The following GPC5 variants were observed in gnomAD, a reference collection of about 807,000 sequenced individuals.
GPC5 encodes the protein glypican 5, also known as glypican-5.
In GPC5, 47 loss-of-function variants were observed where a neutral mutation model predicts 53.9. That is an observed-to-expected ratio of 0.87 (90% CI 0.69 to 1.11). GPC5 has a LOEUF of 1.11. Ranked by LOEUF, GPC5 falls within the 50% of genes most tolerant of loss-of-function variation. GPC5 has a pLI of 0.00. For synonymous variants in GPC5, 286 were observed against 263.3 expected (o/e 1.09, Z -0.84); for missense variants, 748 against 713.1 (o/e 1.05, Z -0.56).
intron 6 of GPC5, among the ~76,000 whole-genome samples, chr13:91,977,118 A>G (rs1166544624): frequency 6.6e-6 from 1 of 152,048 alleles, no homozygotes; most frequent in African/African-American, 2.4e-5. Flanking sequence ...TGTTTATCCA[A>G]AAAACAGTAA....
intron 7 of GPC5, among the ~76,000 whole-genome samples, chr13:92,387,354 G>T (rs555043779): frequency 7.5e-4 from 114 of 152,180 alleles, no homozygotes; most frequent in African/African-American, 2.7e-3. Flanking sequence ...TGTTGCGTAG[G>T]TTCGACATAA....
intron 2 of GPC5, among the ~76,000 whole-genome samples, chr13:91,614,185 C>T (rs1447606188): frequency 6.6e-6 from 1 of 152,152 alleles, no homozygotes; most frequent in African/African-American, 2.4e-5. Flanking sequence ...AAACATGAGC[C>T]TGGGAATTTT....
intron 7 of GPC5, among the ~76,000 whole-genome samples, chr13:92,680,538 C>T (rs1434427961): frequency 6.6e-6 from 1 of 152,018 alleles, no homozygotes; most frequent in Non-Finnish European, 1.5e-5. Context: ...ATAAATTGCT[C>T]TAAAGACAAA....
chr13:91,739,989 C>T (rs1285586008), intron 4 of GPC5, among the ~76,000 whole-genome samples: 1 of 151,198 alleles, frequency 6.6e-6, no homozygotes, highest in African/African-American at 2.5e-5. Context: ...GAGGCTTGCC[C>T]CTTGCTTCAA....
intron 7 of GPC5, among the ~76,000 whole-genome samples, chr13:92,765,799 C>T (rs941448942): frequency 2.0e-5 from 3 of 151,766 alleles, no homozygotes; most frequent in Non-Finnish European, 2.9e-5. Context: ...TTTAAGGGGC[C>T]AGATAGTAAT....
chr13:92,778,969 A>G (rs1369919681), intron 7 of GPC5, among the ~76,000 whole-genome samples: 1 of 149,168 alleles, frequency 6.7e-6, no homozygotes, highest in Non-Finnish European at 1.5e-5. Flanking sequence ...CAAGATATAC[A>G]CACACACACA....
chr13:92,171,517 A>C (rs200419826), intron 7 of GPC5, among the ~76,000 whole-genome samples: 2 of 152,186 alleles, frequency 1.3e-5, no homozygotes, highest in East Asian at 3.9e-4. Context: ...TTTGCTCCTC[A>C]ATCCATTTCC....
intron 1 of GPC5, among the ~76,000 whole-genome samples, chr13:91,438,421 G>T (rs1241877025): frequency 6.6e-6 from 1 of 152,204 alleles, no homozygotes; most frequent in Admixed American, 6.5e-5. Flanking sequence ...TTTGCTGGAG[G>T]TCCACTCCAG....
At chr13:91,827,097 T>G (rs1403807047) in intron 5 of GPC5, among the ~76,000 whole-genome samples, 1 of 151,936 alleles carries the variant, frequency 6.6e-6, no homozygotes, top group Admixed American at 6.6e-5. Context: ...CTAACACAAA[T>G]AAATGATAAA....
chr13:91,412,339 C>T (rs1467121668), intron 1 of GPC5, among the ~76,000 whole-genome samples: 1 of 152,208 alleles, frequency 6.6e-6, no homozygotes, highest in Non-Finnish European at 1.5e-5. Flanking sequence ...CAATAAAATC[C>T]AAATCTTATC....
chr13:92,771,387 G>C (rs1470503005), intron 7 of GPC5, among the ~76,000 whole-genome samples: 2 of 152,108 alleles, frequency 1.3e-5, no homozygotes, highest in Non-Finnish European at 2.9e-5. Context: ...CTGTCGCCCA[G>C]GCTGGAGTCC....
intron 7 of GPC5, among the ~76,000 whole-genome samples, chr13:92,358,444 C>T (rs1198911706): frequency 1.3e-5 from 2 of 151,742 alleles, no homozygotes; most frequent in African/African-American, 2.4e-5. Flanking sequence ...CAGTGGCCCT[C>T]TTCTCACAGC....
intron 5 of GPC5, among the ~76,000 whole-genome samples, chr13:91,886,010 G>T (rs994039412): frequency 2.0e-5 from 3 of 151,912 alleles, no homozygotes; most frequent in African/African-American, 7.3e-5. Flanking sequence ...TTACCTAGAA[G>T]GTAGTGATAT....
At chr13:92,742,474 G>C (rs1889130050) in intron 7 of GPC5, among the ~76,000 whole-genome samples, 1 of 151,116 alleles carries the variant, frequency 6.6e-6, no homozygotes, top group African/African-American at 2.4e-5. Flanking sequence ...GTAGATTCTG[G>C]ATATTAGCCC....
chr13:92,545,323 T>C (rs1352198889), intron 7 of GPC5, among the ~76,000 whole-genome samples: 1 of 152,234 alleles, frequency 6.6e-6, no homozygotes, highest in Non-Finnish European at 1.5e-5. Flanking sequence ...CTATCATTGT[T>C]GGACATCTGG....
intron 7 of GPC5, among the ~76,000 whole-genome samples, chr13:92,293,922 A>G (rs180920892): frequency 6.6e-6 from 1 of 152,204 alleles, no homozygotes; most frequent in Admixed American, 6.5e-5. Flanking sequence ...TTTTGTCAAA[A>G]TCTTTTTCTG....
intron 6 of GPC5, among the ~76,000 whole-genome samples, chr13:91,925,789 ATAGTT>A (rs1467178829): frequency 6.6e-5 from 10 of 152,310 alleles, no homozygotes; most frequent in African/African-American, 2.2e-4. Flanking sequence ...TGTAGGTTTC[ATAGTT>A]TATAGTGATA....
At chr13:91,510,564 T>A (rs1572431) in intron 2 of GPC5, among the ~76,000 whole-genome samples, 150,597 of 152,330 alleles carry the variant, frequency 0.99, 74,474 homozygotes, top group East Asian at 1. Flanking sequence ...CTAAGCATTT[T>A]TGATAGTCTT....
chr13:92,287,882 C>T (rs2042967115), intron 7 of GPC5, among the ~76,000 whole-genome samples: 1 of 152,022 alleles, frequency 6.6e-6, no homozygotes, highest in Non-Finnish European at 1.5e-5. Context: ...CAGGGAGTCC[C>T]ATAATACATA....
Sources: allele counts gnomAD v4.1 joint callset (sites outside exome capture counted in the v4.1 genomes callset), GRCh38; gene constraint gnomAD v4.1.1; transcripts MANE v1.5; gene names NCBI Gene and HGNC (gene_info 2026-07-23, HGNC 2026-07-21).